RCOR3: variants seen among roughly 807,000 people sequenced by gnomAD.
RCOR3 encodes the protein REST corepressor 3.
Under a neutral mutation model 64.1 loss-of-function variants are expected in RCOR3, and 13 were observed. The ratio of observed to expected loss-of-function variants is 0.20; its 90% CI spans 0.13 to 0.32. The LOEUF is 0.32. Among genes scored for constraint, RCOR3 ranks in the 10% least tolerant of loss-of-function variants. RCOR3 has a pLI of 1.00. For missense variants in RCOR3, 489 were observed against 701.2 expected (o/e 0.70, Z 3.42); for synonymous variants, 215 against 239.0 (o/e 0.90, Z 0.93).
At position 211,313,650 on chromosome 1, in the gene RCOR3, G is replaced by T. The variant is rs1334042074; in HGVS notation, c.1544G>T (p.Arg515Leu). 1 of 1,613,932 alleles carries T rather than the reference G, an allele frequency of 6.2e-7. No individual in the cohort carries two copies. ...TLNQPPPPLI[R>L]PANSMPPRLN... ...AATCAGCCTCCACCACCTCTTATTC[G>T]CCCTGCTAATTCCATGCCACCCCGT... Residue 515 changes from arginine to leucine, a missense_variant, in exon 12 of 12, where the codon CGC becomes CTC. Arg to Leu is a moderately radical substitution (Grantham distance 102). Coordinates refer to ENST00000419091, the MANE Select transcript of RCOR3 (RefSeq NM_001136223.3). This position sits in a 1 kb window ranked among gnomAD's most constrained non-coding sequence, Gnocchi z 4.7.
chr1:211,308,606 T>A (rs1423235500), intron 10 of RCOR3, among the ~76,000 whole-genome samples: 1 of 149,018 alleles, frequency 6.7e-6, no homozygotes, highest in East Asian at 2.0e-4. Context: ...AGAAAAAAAA[T>A]CCTCTGAAAT....
Position 211,313,818 on chromosome 1 carries a change from A to G in RCOR3, c.*50A>G, listed in dbSNP as rs1701724173. On this transcript the variant is annotated 3_prime_UTR_variant, in exon 12 of 12. Coordinates refer to ENST00000419091, the MANE Select transcript of RCOR3 (RefSeq NM_001136223.3). The surrounding 1 kb of genome is among the most constrained non-coding windows in gnomAD (Gnocchi z 4.7). ...TAACTTTTCACCCCATCATTATACCAGTGCTCATCTGACTGATGAAAAAGA... is the reference window on the plus strand; with the variant it reads ...TAACTTTTCACCCCATCATTATACCGGTGCTCATCTGACTGATGAAAAAGA... 1 of 1,450,162 alleles carries G rather than the reference A, an allele frequency of 6.9e-7. No homozygotes were observed. The highest frequency in any genetic ancestry group is 1.2e-5 in the South Asian group (1 of 83,506). The allele number at this position is 1,450,162 out of a possible 1,614,324, so 89.8% of individuals were successfully genotyped here. A position where few individuals can be genotyped will look rare whatever the true frequency, so the allele number is the denominator to read the frequency against.
intron 7 of RCOR3, among the ~76,000 whole-genome samples, chr1:211,282,946 A>T (rs1698023670): frequency 6.6e-6 from 1 of 151,346 alleles, no homozygotes. Context: ...TTCATACTTT[A>T]TTTAATTGGA....
chr1:211,313,118 C>T lies in RCOR3; in HGVS notation c.1317+157C>T. The T allele has an allele frequency of 6.6e-7, 1 of 1,506,164 alleles. No homozygotes were observed. Among genetic ancestry groups the T allele is most frequent in the South Asian group, 1.4e-5 (1 of 73,412 alleles). 93.3% of individuals were successfully genotyped at this position (1,506,164 alleles called of 1,614,324 possible). On this transcript the variant is annotated intron_variant, in intron 11 of 11. Coordinates refer to ENST00000419091, the MANE Select transcript of RCOR3 (RefSeq NM_001136223.3). This position sits in a 1 kb window ranked among gnomAD's most constrained non-coding sequence, Gnocchi z 4.7. ...GGTGCATCTCTCGTGACTCTTAAGT[C>T]ATAATGACATGCTAAGTTCTGATTC...
intron 3 of RCOR3, among the ~76,000 whole-genome samples, chr1:211,273,829 G>T (rs1017148503): frequency 6.6e-6 from 1 of 152,138 alleles, no homozygotes; most frequent in African/African-American, 2.4e-5. Context: ...CGAAATATGT[G>T]AAAGTGTCTT....
chr1:211,307,376 C>G (rs1408894195), intron 10 of RCOR3, among the ~76,000 whole-genome samples: 1 of 151,896 alleles, frequency 6.6e-6, no homozygotes, highest in African/African-American at 2.4e-5. Flanking sequence ...GTAGTCCCAG[C>G]TGCTTGGGAG....
chr1:211,295,224 G>C lies in RCOR3; in HGVS notation c.940-452G>C, dbSNP rs1394969633. 3.9e-5 allele frequency among the ~76,000 whole-genome samples: 6 copies of C among 152,080 alleles called. No homozygotes were observed. The East Asian group carries it at 1.2e-3, about 29-fold the overall frequency. On this transcript the variant is annotated intron_variant, in intron 8 of 11. Coordinates refer to ENST00000419091, the MANE Select transcript of RCOR3 (RefSeq NM_001136223.3). Reference sequence around the variant, plus strand: ...CAGAACTGATTGTACTTACCTCACAGAGTGGTTTTGAGAATTAAGTGATTT... The same window carrying C: ...CAGAACTGATTGTACTTACCTCACACAGTGGTTTTGAGAATTAAGTGATTT...
chr1:211,299,137 T>C (rs1287403710), intron 9 of RCOR3, among the ~76,000 whole-genome samples: 1 of 152,212 alleles, frequency 6.6e-6, no homozygotes, highest in African/African-American at 2.4e-5. Context: ...GTTATGACAT[T>C]ATTATACAGG....
chr1:211,289,992 T>C (rs1250427448), intron 8 of RCOR3, among the ~76,000 whole-genome samples: 1 of 152,196 alleles, frequency 6.6e-6, no homozygotes, highest in African/African-American at 2.4e-5. Flanking sequence ...AATAGTATAG[T>C]GGTTGAGAGG....
chr1:211,299,380 G>T (rs1700155890), intron 9 of RCOR3, among the ~76,000 whole-genome samples: 2 of 152,180 alleles, frequency 1.3e-5, no homozygotes, highest in African/African-American at 4.8e-5. Context: ...AGGTAAATGG[G>T]TAGGTGGAGG....
At chr1:211,306,380 A>G (rs562925551) in intron 10 of RCOR3, among the ~76,000 whole-genome samples, 1 of 152,250 alleles carries the variant, frequency 6.6e-6, no homozygotes, top group African/African-American at 2.4e-5. Context: ...AAAAAAAAGT[A>G]TGGTAAACCT....
chr1:211,265,705 G>A (rs1056006976), intron 2 of RCOR3, among the ~76,000 whole-genome samples: 3 of 152,134 alleles, frequency 2.0e-5, no homozygotes, highest in Admixed American at 1.3e-4. Flanking sequence ...GCGACAGAGC[G>A]AGACTCTGTC....
At chr1:211,277,147 G>A (rs986654688) in intron 5 of RCOR3, among the ~76,000 whole-genome samples, 1 of 150,510 alleles carries the variant, frequency 6.6e-6, no homozygotes, top group Admixed American at 6.6e-5. Context: ...TGTCCAGATG[G>A]TGCTGCTTTT....
chr1:211,260,284 TC>T, intron 2 of RCOR3, 120 bp downstream of exon 2: 1 of 844,128 alleles, frequency 1.2e-6, no homozygotes, highest in South Asian at 1.5e-5. Context: ...TGGGCAGGCA[TC>T]CGTGGCGGGG....
intron 7 of RCOR3, among the ~76,000 whole-genome samples, chr1:211,286,051 C>T (rs1171412166): frequency 6.6e-6 from 1 of 152,086 alleles, no homozygotes; most frequent in Admixed American, 6.5e-5. Flanking sequence ...TTTCTGTGTC[C>T]TCACATGTTA....
intron 8 of RCOR3, among the ~76,000 whole-genome samples, chr1:211,292,778 C>A (rs1257823836): frequency 6.6e-6 from 1 of 152,112 alleles, no homozygotes; most frequent in Non-Finnish European, 1.5e-5. Flanking sequence ...TAATTCTCCA[C>A]AATCAGGTAT....
intron 7 of RCOR3, among the ~76,000 whole-genome samples, chr1:211,284,268 GACGGTGTTTC>G (rs1698222630): frequency 6.6e-6 from 1 of 151,798 alleles, no homozygotes; most frequent in African/African-American, 2.4e-5. Flanking sequence ...TTTTAGTAGA[GACGGTGTTTC>G]ACTGTGTTAG....
Position 211,259,406 on chromosome 1 carries a change from T to G in RCOR3, c.-155T>G. 1.6e-6 allele frequency: 1 copy of G among 618,754 alleles called. No homozygotes were observed. The allele number at this position is 618,754 out of a possible 1,614,324, so 38.3% of individuals were successfully genotyped here. A position where few individuals can be genotyped will look rare whatever the true frequency, so the allele number is the denominator to read the frequency against. ...CTGCGCTACTGCCGGAGCGGGGCGG[T>G]TATGGCGGCTCCATATTAACAGCCT... On this transcript the variant is annotated 5_prime_UTR_variant, in exon 1 of 12. Coordinates refer to ENST00000419091, the MANE Select transcript of RCOR3 (RefSeq NM_001136223.3).
At chr1:211,299,889 C>T (rs1454817558) in intron 9 of RCOR3, among the ~76,000 whole-genome samples, 2 of 151,976 alleles carry the variant, frequency 1.3e-5, no homozygotes, top group Non-Finnish European at 2.9e-5. Flanking sequence ...TTAATCTTTA[C>T]CAAAGTTTCT....
Sources: allele counts gnomAD v4.1 joint callset (sites outside exome capture counted in the v4.1 genomes callset), GRCh38; gene constraint gnomAD v4.1.1; non-coding constraint Gnocchi (gnomAD v3.1); transcripts MANE v1.5; gene names NCBI Gene and HGNC (gene_info 2026-07-23, HGNC 2026-07-21).